Variants in CD72 observed in about 807,000 individuals in gnomAD.
The protein encoded by CD72 is CD72 molecule.
In CD72, 28 loss-of-function variants were observed where a neutral mutation model predicts 50.7. The observed-to-expected ratio is 0.55, with a 90% CI of 0.41 to 0.76. The LOEUF (loss-of-function observed/expected upper bound fraction) is 0.76. Ranked by LOEUF, CD72 falls within the 30% of genes least tolerant of loss-of-function variation. The pLI is 0.00. For synonymous variants in CD72, 176 were observed against 171.2 expected, an observed-to-expected ratio of 1.03 and a Z score of -0.22; for missense variants, 403 against 420.6, an observed-to-expected ratio of 0.96 and a Z score of 0.37.
intron 1 of CD72, among the ~76,000 whole-genome samples, chr9:35,630,036 C>CTTTTTTTTTTT (rs35481553): frequency 1.1e-4 from 14 of 128,954 alleles, no homozygotes; most frequent in African/African-American, 1.7e-4. Context: ...AATTTCTTTT[C>CTTTTTTTTTTT]TTTTTTTTTT....
upstream of CD72, among the ~76,000 whole-genome samples, chr9:35,622,608 G>A (rs1823154521): frequency 1.3e-5 from 2 of 151,994 alleles, no homozygotes; most frequent in Non-Finnish European, 2.9e-5. Context: ...CCAATATGGT[G>A]AAACCCCGTC....
chr9:35,626,555 A>G (rs981183527), intron 1 of CD72, among the ~76,000 whole-genome samples: 5 of 152,248 alleles, frequency 3.3e-5, no homozygotes, highest in Non-Finnish European at 5.9e-5. Flanking sequence ...AAATGCTACC[A>G]AACATTGCAT....
At chr9:35,637,075 C>A (rs553770882) in intron 1 of CD72, among the ~76,000 whole-genome samples, 3 of 152,034 alleles carry the variant, frequency 2.0e-5, no homozygotes, top group East Asian at 1.9e-4. Flanking sequence ...GTACTTTGTA[C>A]GATACACCCT....
upstream of CD72, among the ~76,000 whole-genome samples, chr9:35,622,966 G>A (rs1213364656): frequency 6.6e-6 from 1 of 152,052 alleles, no homozygotes; most frequent in Admixed American, 6.6e-5. Flanking sequence ...AATTAGGCAG[G>A]TGTGATGGCA....
At chr9:35,618,605 C>T (rs748038349), upstream of CD72, 38 of 630,284 alleles carry the variant, frequency 6.0e-5, no homozygotes, top group Admixed American at 1.3e-4. Context: ...TGCTTCCTCT[C>T]CATGCATCTT....
chr9:35,644,930 G>A (rs571523395), intron 1 of CD72, among the ~76,000 whole-genome samples: 33 of 121,060 alleles, frequency 2.7e-4, no homozygotes, highest in Middle Eastern at 4.5e-3. Flanking sequence ...GGCCGGGCGC[G>A]GTGGCTCACG....
intron 1 of CD72, among the ~76,000 whole-genome samples, chr9:35,637,838 C>T (rs1823304819): frequency 6.6e-6 from 1 of 152,058 alleles, no homozygotes; most frequent in Admixed American, 6.5e-5. Context: ...ACATTGCAGC[C>T]CAGGGCTGCT....
chr9:35,611,396 C>T (rs2131753944), intron 7 of CD72, among the ~76,000 whole-genome samples: 1 of 152,322 alleles, frequency 6.6e-6, no homozygotes, highest in African/African-American at 2.4e-5. Context: ...CCCCGCTGCT[C>T]CCTTGCGTAC....
upstream of CD72, among the ~76,000 whole-genome samples, chr9:35,623,709 G>C (rs556631385): frequency 3.3e-5 from 5 of 152,180 alleles, no homozygotes; most frequent in African/African-American, 1.2e-4. Flanking sequence ...CTGAGGTCAG[G>C]AGTTCAAGAC....
At chr9:35,617,737 C>G (rs544552821) in intron 2 of CD72, among the ~76,000 whole-genome samples, 1 of 152,134 alleles carries the variant, frequency 6.6e-6, no homozygotes, top group Non-Finnish European at 1.5e-5. Context: ...TCCTAAGAAC[C>G]GCCCTCCTCC....
chr9:35,613,321 G>A (rs374361014), intron 5 of CD72, among the ~76,000 whole-genome samples: 1 of 151,766 alleles, frequency 6.6e-6, no homozygotes, highest in South Asian at 2.1e-4. Context: ...ACTCCCTAAA[G>A]CACCCCTCAC....
At chr9:35,645,562 A>G (rs901591760) in intron 1 of CD72, among the ~76,000 whole-genome samples, 3 of 151,100 alleles carry the variant, frequency 2.0e-5, no homozygotes, top group African/African-American at 7.3e-5. Flanking sequence ...AGCTTGGGCA[A>G]CAGAACAAGA....
chr9:35,624,930 C>T (rs1303392775), intron 1 of CD72, among the ~76,000 whole-genome samples: 1 of 152,148 alleles, frequency 6.6e-6, no homozygotes, highest in Non-Finnish European at 1.5e-5. Context: ...TGTGTGTGTT[C>T]TGACTGCTCC....
intron 3 of CD72, 132 bp downstream of exon 3, chr9:35,617,044 A>G (rs1020926525): frequency 1.6e-5 from 24 of 1,473,070 alleles, no homozygotes; most frequent in Non-Finnish European, 1.9e-5. Context: ...GTGGCACGGC[A>G]GCCCGGGCGT....
chr9:35,620,846 A>T (rs1823142100), upstream of CD72, among the ~76,000 whole-genome samples: 1 of 152,070 alleles, frequency 6.6e-6, no homozygotes, highest in Non-Finnish European at 1.5e-5. Context: ...AAAGAAGGGG[A>T]TCCCCAGATG....
intron 1 of CD72, among the ~76,000 whole-genome samples, chr9:35,645,962 G>C (rs3918918): frequency 6.6e-6 from 1 of 152,036 alleles, no homozygotes; most frequent in African/African-American, 2.4e-5. Context: ...GAGTTCACCA[G>C]CCTGCCCAAC....
At chr9:35,641,041 C>T (rs1823335459) in intron 1 of CD72, among the ~76,000 whole-genome samples, 3 of 152,172 alleles carry the variant, frequency 2.0e-5, no homozygotes, top group Admixed American at 1.3e-4. Context: ...TCTTAGTCGG[C>T]CTAGGAAATC....
chr9:35,619,073 C>A (rs920707922), upstream of CD72, among the ~76,000 whole-genome samples: 1 of 152,208 alleles, frequency 6.6e-6, no homozygotes, highest in Admixed American at 6.5e-5. Context: ...GATTCCGGAC[C>A]AGCGGAGGTC....
chr9:35,628,457 G>T lies in CD72; in HGVS notation n.409-10336C>A, dbSNP rs552175902. ...AATACAAAAAAATTTAGCTGGGCAT[G>T]GTGGCAGGCACCTGTAGTAAGAAAC... On this transcript the variant is annotated intron_variant and non_coding_transcript_variant, in intron 1 of 3. Coordinates refer to the CD72 transcript ENST00000465754. Among the ~76,000 whole-genome samples, 316 of 152,360 alleles carry T rather than the reference G, an allele frequency of 2.1e-3. 1 individual carries two copies. Among genetic ancestry groups the T allele is most frequent in the Non-Finnish European group, 2.3e-3 (154 of 68,038 alleles).
Sources: gnomAD v4.1 joint callset for allele counts (sites outside exome capture counted in the v4.1 genomes callset) on GRCh38, gnomAD v4.1.1 for gene constraint, MANE v1.5 for transcripts, NCBI Gene and HGNC (gene_info 2026-07-23, HGNC 2026-07-21) for gene names.